Variants in CERKL observed in about 807,000 individuals in gnomAD.
CERKL encodes the protein CERK like autophagy regulator, also known as ceramide kinase-like protein.
In CERKL, 61 loss-of-function variants were observed where a neutral mutation model predicts 63.4. That is an observed-to-expected ratio of 0.96 (90% CI 0.78 to 1.19). The LOEUF is 1.19. CERKL is among the 50% of genes most tolerant of loss of function. CERKL has a pLI of 0.00. For synonymous variants in CERKL, 250 were observed against 230.5 expected (o/e 1.08, Z -0.77); for missense variants, 675 against 655.5 (o/e 1.03, Z -0.33).
chr2:181,539,334 G>A, intron 11 of CERKL, 70 bp from the exon 12 acceptor site: 1 of 963,124 alleles, frequency 1.0e-6, no homozygotes, highest in South Asian at 1.3e-5. Flanking sequence ...AAAGTTCACT[G>A]AGCCCTCTCT....
chr2:181,548,456 C>T (rs1050046200), intron 8 of CERKL, 89 bp downstream of exon 8: 11 of 1,016,790 alleles, frequency 1.1e-5, no homozygotes, highest in African/African-American at 1.6e-5. Context: ...GAAAAATAAC[C>T]AAAGATCCTA....
intron 1 of CERKL, among the ~76,000 whole-genome samples, chr2:181,617,839 A>G (rs145226733): frequency 6.6e-6 from 1 of 152,230 alleles, no homozygotes; most frequent in South Asian, 2.1e-4. Flanking sequence ...TTGCTATAGT[A>G]TCAAAGGACA....
At chr2:181,572,067 T>A (rs905556417) in intron 3 of CERKL, among the ~76,000 whole-genome samples, 1 of 152,104 alleles carries the variant, frequency 6.6e-6, no homozygotes, top group Non-Finnish European at 1.5e-5. Context: ...ACTCTCCAGA[T>A]GTATGGGTGT....
At chr2:181,607,687 G>T (rs969418212) in intron 1 of CERKL, among the ~76,000 whole-genome samples, 1 of 152,296 alleles carries the variant, frequency 6.6e-6, no homozygotes, top group Admixed American at 6.5e-5. Flanking sequence ...TCCCCAAAAT[G>T]CTTGGGAGAG....
intron 4 of CERKL, among the ~76,000 whole-genome samples, chr2:181,561,058 G>A (rs1176795775): frequency 6.6e-6 from 1 of 152,096 alleles, no homozygotes; most frequent in Non-Finnish European, 1.5e-5. Flanking sequence ...AGGAAGGGAG[G>A]TTGGATATGC....
chr2:181,631,378 A>G (rs1686948010), intron 1 of CERKL, among the ~76,000 whole-genome samples: 1 of 152,202 alleles, frequency 6.6e-6, no homozygotes, highest in Admixed American at 6.5e-5. Flanking sequence ...GAAAGTTAAG[A>G]GTCAAGATTA....
At chr2:181,543,127 A>C (rs918598056) in intron 11 of CERKL, among the ~76,000 whole-genome samples, 9 of 152,226 alleles carry the variant, frequency 5.9e-5, no homozygotes, top group African/African-American at 2.2e-4. Context: ...TTAATAAAAA[A>C]GGATTCGGAA....
intron 4 of CERKL, chr2:181,565,293 T>C: frequency 1.5e-6 from 1 of 669,990 alleles, no homozygotes; most frequent in Non-Finnish European, 2.7e-6. Context: ...GTCAACTTTT[T>C]AAATTCTCAA....
intron 1 of CERKL, among the ~76,000 whole-genome samples, chr2:181,620,505 A>C (rs1174245582): frequency 2.6e-5 from 4 of 152,222 alleles, no homozygotes; most frequent in Admixed American, 6.5e-5. Flanking sequence ...ATAAGATGAC[A>C]AAAAAGTATT....
At position 181,573,777 on chromosome 2, in the gene CERKL, C is replaced by A. The variant is rs151110889; in HGVS notation, c.589G>T (p.Ala197Ser). Residue 197 changes from alanine (A) to serine (S), a missense_variant, in exon 3 of 13, where the codon GCA becomes TCA. Ala to Ser is a moderately conservative substitution (Grantham distance 99). Transcript: ENST00000410087. ...CTTGTTACATCAGTTTTTATTCCTG[C>A]AAGCTTCAACAGAGGTTCAACCTTC... The part of the protein sequence containing the change: ...YEKVEPLLKL[A>S]GIKTDVTIME... 9.2e-5 allele frequency: 149 copies of A among 1,612,450 alleles called. No homozygotes were observed. In the African/African-American group the frequency reaches 1.4e-3, roughly 15 times the overall value.
intron 5 of CERKL, among the ~76,000 whole-genome samples, chr2:181,553,289 A>G (rs931379548): frequency 1.3e-4 from 20 of 152,190 alleles, no homozygotes; most frequent in African/African-American, 4.8e-4. Flanking sequence ...GAGAAAAGGA[A>G]GAAACAAGTC....
rs1198254145 is a variant in CERKL, at chr2:181,586,394, CTG to C, written c.482-12512_482-12511del. ...TCTGCTCTCATCCAATTATGACAAA[CTG>C]TTTAATATGAAAGCTATATTGAGAC... On this transcript the variant is annotated intron_variant, in intron 2 of 12. Transcript: ENST00000410087. 4.0e-5 allele frequency among the ~76,000 whole-genome samples: 6 copies of C among 151,882 alleles called. No individual in the cohort carries two copies. In the South Asian group the frequency reaches 1.0e-3, roughly 26 times the overall value.
intron 1 of CERKL, among the ~76,000 whole-genome samples, chr2:181,650,885 G>GA (rs1358173201): frequency 6.6e-6 from 1 of 152,036 alleles, no homozygotes. Flanking sequence ...TTCAAAAGAT[G>GA]AACAAAATTT....
intron 1 of CERKL, among the ~76,000 whole-genome samples, chr2:181,643,938 T>C (rs1687558396): frequency 6.6e-6 from 1 of 152,234 alleles, no homozygotes; most frequent in Admixed American, 6.5e-5. Context: ...TCTGCTTTAA[T>C]CGAACATTTC....
intron 1 of CERKL, among the ~76,000 whole-genome samples, chr2:181,654,689 C>T (rs1291791068): frequency 3.3e-5 from 5 of 152,192 alleles, no homozygotes; most frequent in Admixed American, 1.3e-4. Flanking sequence ...TCTTTTACCA[C>T]TCACATCTAA....
intron 1 of CERKL, among the ~76,000 whole-genome samples, chr2:181,616,542 G>C (rs1450902760): frequency 6.6e-6 from 1 of 152,064 alleles, no homozygotes; most frequent in Non-Finnish European, 1.5e-5. Context: ...TTAAAATACA[G>C]ACAATAAAAA....
chr2:181,579,728 T>C (rs1180528613), intron 2 of CERKL, among the ~76,000 whole-genome samples: 1 of 151,944 alleles, frequency 6.6e-6, no homozygotes, highest in Non-Finnish European at 1.5e-5. Context: ...GTCTCAATTT[T>C]ATATTTTCAA....
intron 1 of CERKL, among the ~76,000 whole-genome samples, chr2:181,627,396 T>A (rs761053996): frequency 7.9e-5 from 12 of 152,170 alleles, no homozygotes; most frequent in Non-Finnish European, 1.3e-4. Flanking sequence ...TGAAAAGATA[T>A]CATTGAAATA....
At chr2:181,628,952 T>C (rs1686829748) in intron 1 of CERKL, among the ~76,000 whole-genome samples, 1 of 152,202 alleles carries the variant, frequency 6.6e-6, no homozygotes, top group Non-Finnish European at 1.5e-5. Flanking sequence ...AACACGCTTC[T>C]ATGTCTACTT....
Sources: allele counts gnomAD v4.1 joint callset (sites outside exome capture counted in the v4.1 genomes callset), GRCh38; gene constraint gnomAD v4.1.1; transcripts MANE v1.5; gene names NCBI Gene and HGNC (gene_info 2026-07-23, HGNC 2026-07-21).